ADAM19: variants seen among roughly 807,000 people sequenced by gnomAD.
ADAM19 encodes ADAM metallopeptidase domain 19.
ADAM19 carries 65 observed loss-of-function variants against 114.7 expected under a neutral mutation model. The observed-to-expected ratio is 0.57, with a 90% CI of 0.46 to 0.70. The LOEUF is 0.70. Ranked by LOEUF, ADAM19 falls within the 30% of genes least tolerant of loss-of-function variation. The probability of loss-of-function intolerance (pLI) is 0.00; values close to 1 mark genes in which losing one functional copy is unlikely to be tolerated. For synonymous variants in ADAM19, 466 were observed against 460.5 expected (o/e 1.01, Z -0.15); for missense variants, 1,063 against 1,204.7 (o/e 0.88, Z 1.74).
At chr5:157,564,745 C>T (rs1029388937) in intron 2 of ADAM19, among the ~76,000 whole-genome samples, 6 of 152,218 alleles carry the variant, frequency 3.9e-5, no homozygotes, top group Admixed American at 3.3e-4. Context: ...AGTAAATGTC[C>T]TGCAGAGTCA....
At chr5:157,539,868 A>T (rs915131577) in intron 3 of ADAM19, among the ~76,000 whole-genome samples, 1 of 152,216 alleles carries the variant, frequency 6.6e-6, no homozygotes, top group African/African-American at 2.4e-5. Context: ...CATTTGTTCA[A>T]TGAGAAAACC....
chr5:157,489,371 A>C (rs900280280), intron 19 of ADAM19, among the ~76,000 whole-genome samples, 185 bp from the exon 20 acceptor site: 2 of 152,182 alleles, frequency 1.3e-5, no homozygotes, highest in Admixed American at 6.5e-5. Context: ...TGGCCAATGG[A>C]GAACTCTCAA....
chr5:157,553,652 A>G (rs1211796845), intron 3 of ADAM19, among the ~76,000 whole-genome samples: 1 of 152,238 alleles, frequency 6.6e-6, no homozygotes, highest in Non-Finnish European at 1.5e-5. Context: ...TGCTACAGAA[A>G]TACTTGCAAA....
chr5:157,510,590 C>A (rs1755888963), intron 8 of ADAM19, among the ~76,000 whole-genome samples: 1 of 152,232 alleles, frequency 6.6e-6, no homozygotes, highest in Non-Finnish European at 1.5e-5. Context: ...ACCCTCAGCC[C>A]AGGCAACCGT....
rs755447667 is a variant in ADAM19 at position 157,564,357 on chromosome 5, G to C, written c.251+16C>G. ...AGTTATTTGTTTCATTTTAGACAAA[G>C]GAGGAGTCCACTTACTCATTCTTCT... On this transcript the variant is annotated intron_variant, in intron 3 of 22. Coordinates refer to ENST00000257527, the MANE Select transcript of ADAM19 (RefSeq NM_033274.5). The C allele has an allele frequency of 1.2e-6, 2 of 1,611,836 alleles. No individual in the cohort carries two copies. The highest frequency in any genetic ancestry group is 2.2e-5 in the South Asian group (2 of 91,036).
chr5:157,487,803 G>A (rs1754994009), intron 21 of ADAM19, among the ~76,000 whole-genome samples: 1 of 152,174 alleles, frequency 6.6e-6, no homozygotes, highest in African/African-American at 2.4e-5. Flanking sequence ...AGAGTACTAT[G>A]ATGAGAGAAG....
chr5:157,512,495 C>T (rs1352133012), intron 8 of ADAM19, among the ~76,000 whole-genome samples: 2 of 152,096 alleles, frequency 1.3e-5, no homozygotes, highest in Non-Finnish European at 2.9e-5. Flanking sequence ...GACTTTTGAT[C>T]CCAAACACAT....
chr5:157,526,173 TACAC>T (rs35119605), intron 5 of ADAM19, among the ~76,000 whole-genome samples: 3,235 of 109,230 alleles, frequency 0.03, 104 homozygotes, highest in African/African-American at 0.11. Context: ...TATATATATA[TACAC>T]ACACACACAC....
At chr5:157,483,708 A>C (rs936578606) in intron 21 of ADAM19, among the ~76,000 whole-genome samples, 2 of 148,600 alleles carry the variant, frequency 1.3e-5, no homozygotes, top group Non-Finnish European at 3.0e-5. Context: ...ATCTCGGCTT[A>C]CTGCAACCTC....
chr5:157,551,496 G>A (rs1757197700), intron 3 of ADAM19, among the ~76,000 whole-genome samples: 1 of 150,262 alleles, frequency 6.7e-6, no homozygotes, highest in Admixed American at 6.6e-5. Context: ...AAAATCTCCA[G>A]GACATTGGTC....
At chr5:157,540,504 A>G (rs1471103935) in intron 3 of ADAM19, among the ~76,000 whole-genome samples, 1 of 152,172 alleles carries the variant, frequency 6.6e-6, no homozygotes, top group Non-Finnish European at 1.5e-5. Context: ...CCATCATCAC[A>G]GGCCTCTCTG....
In ADAM19 at chr5:157,520,037, G is replaced by C; in HGVS notation, c.408-6C>G. 1 of 1,603,068 alleles carries C rather than the reference G, an allele frequency of 6.2e-7. No individual in the cohort carries two copies. The highest frequency in any genetic ancestry group is 1.7e-4 in the Middle Eastern group (1 of 5,988). On this transcript the variant is annotated splice_polypyrimidine_tract_variant and splice_region_variant and intron_variant, in intron 5 of 22. Coordinates refer to ENST00000257527, the MANE Select transcript of ADAM19 (RefSeq NM_033274.5). ...TGCTCACCGTAATCAGTCCTCTGTT[G>C]AGAGGAGAAATAGAATCTCTGGTCA...
chr5:157,498,970 A>C (rs2113709926), intron 13 of ADAM19, among the ~76,000 whole-genome samples: 1 of 152,148 alleles, frequency 6.6e-6, no homozygotes, highest in South Asian at 2.1e-4. Flanking sequence ...ATTGTGGAAG[A>C]GAGATTGTGG....
chr5:157,500,426 G>A (rs1213996411), intron 12 of ADAM19, among the ~76,000 whole-genome samples: 3 of 152,104 alleles, frequency 2.0e-5, no homozygotes, highest in Non-Finnish European at 4.4e-5. Flanking sequence ...TATAACATGC[G>A]TATTTCTCCC....
At chr5:157,515,904 G>A (rs975204112) in intron 7 of ADAM19, among the ~76,000 whole-genome samples, 1 of 152,098 alleles carries the variant, frequency 6.6e-6, no homozygotes, top group African/African-American at 2.4e-5. Context: ...TCCCACCTAG[G>A]CCCAGGGAGC....
intron 2 of ADAM19, among the ~76,000 whole-genome samples, chr5:157,567,722 A>T (rs1266317347): frequency 6.6e-6 from 1 of 151,954 alleles, no homozygotes; most frequent in African/African-American, 2.4e-5. Context: ...GCTTGAACCC[A>T]GGAGGCAGAG....
chr5:157,509,433 A>G lies in ADAM19; in HGVS notation c.773T>C (p.Val258Ala). ...CCCGTGGGTCCACACTTCCAAGCCC[A>G]CGAGAGCAATCCGGATGTTCAAGGA... ...YRSLNIRIAL[V>A]GLEVWTHGNM... is the part of the protein sequence containing the mutation. Residue 258 changes from valine to alanine, a missense_variant, in exon 9 of 23, where the codon GTG becomes GCG. By Grantham distance (64) the Val-to-Ala change is moderately conservative. Transcript: ENST00000257527. 1.2e-6 allele frequency: 2 copies of G among 1,609,672 alleles called. No homozygotes were observed. The highest frequency in any genetic ancestry group is 1.7e-6 in the Non-Finnish European group (2 of 1,177,570).
chr5:157,491,502 A>C (rs1755154978), intron 18 of ADAM19, 113 bp downstream of exon 18: 14 of 770,926 alleles, frequency 1.8e-5, no homozygotes, highest in Non-Finnish European at 2.0e-6. Flanking sequence ...TCCTCTCTAC[A>C]AAATCAGGAC....
At chr5:157,507,951 C>A (rs1425756578) in intron 9 of ADAM19, among the ~76,000 whole-genome samples, 2 of 152,158 alleles carry the variant, frequency 1.3e-5, no homozygotes, top group Non-Finnish European at 2.9e-5. Context: ...TCATCTAGAC[C>A]ATGATATCTT....
Sources: gnomAD v4.1 joint callset for allele counts (sites outside exome capture counted in the v4.1 genomes callset) on GRCh38, gnomAD v4.1.1 for gene constraint, MANE v1.5 for transcripts, NCBI Gene and HGNC (gene_info 2026-07-23, HGNC 2026-07-21) for gene names.